PTPN5: variants seen among roughly 807,000 people sequenced by gnomAD.
The protein encoded by PTPN5 is tyrosine-protein phosphatase non-receptor type 5.
PTPN5 carries 29 observed loss-of-function variants against 73.9 expected under a neutral mutation model. That is an observed-to-expected ratio of 0.39 (90% CI 0.29 to 0.54). The LOEUF (loss-of-function observed/expected upper bound fraction) is 0.54. PTPN5 is among the 20% of genes least tolerant of loss of function. The pLI is 0.65. For missense variants in PTPN5, 652 were observed against 751.4 expected, an observed-to-expected ratio of 0.87 and a Z score of 1.55; for synonymous variants, 267 against 304.7, an observed-to-expected ratio of 0.88 and a Z score of 1.29.
intron 1 of PTPN5, among the ~76,000 whole-genome samples, chr11:18,782,065 G>A (rs763494715): frequency 1.4e-4 from 21 of 152,178 alleles, no homozygotes; most frequent in Non-Finnish European, 2.8e-4. Flanking sequence ...CACAGCAGAC[G>A]GCTTCATGAA....
chr11:18,743,948 A>AG, intron 4 of PTPN5, 58 bp downstream of exon 4: 1 of 1,508,630 alleles, frequency 6.6e-7, no homozygotes, highest in Non-Finnish European at 8.8e-7. Context: ...AGGAAGTGGG[A>AG]GGCTGGCCCT....
At chr11:18,756,061 A>G (rs1221297346) in intron 3 of PTPN5, among the ~76,000 whole-genome samples, 2 of 151,796 alleles carry the variant, frequency 1.3e-5, no homozygotes, top group South Asian at 2.1e-4. Context: ...CGTCAGGCAC[A>G]GCCCAAATAG....
chr11:18,759,988 A>T lies in PTPN5; in HGVS notation c.97+5819T>A, dbSNP rs923826473. Reference sequence around the variant, plus strand: ...TGCTTGACACAGCAGGTTCCTGAAGACATGAATCGAGACCCTATTCATGTT... The same window carrying T: ...TGCTTGACACAGCAGGTTCCTGAAGTCATGAATCGAGACCCTATTCATGTT... On this transcript the variant is annotated intron_variant, in intron 3 of 14. Transcript: ENST00000358540. Among the ~76,000 whole-genome samples, 5 of 152,150 alleles carry T rather than the reference A, an allele frequency of 3.3e-5. No individual in the cohort carries two copies. In the East Asian group the frequency reaches 5.8e-4, roughly 18 times the overall value.
chr11:18,757,798 C>T (rs984470841), intron 3 of PTPN5, among the ~76,000 whole-genome samples: 8 of 152,170 alleles, frequency 5.3e-5, no homozygotes, highest in Non-Finnish European at 1.2e-4. Context: ...CTTTTAAACT[C>T]CCTACAAATG....
intron 3 of PTPN5, among the ~76,000 whole-genome samples, chr11:18,754,406 G>A (rs1400341827): frequency 6.6e-6 from 1 of 152,138 alleles, no homozygotes; most frequent in Non-Finnish European, 1.5e-5. Flanking sequence ...CCTTTCCTCC[G>A]AGCTGGTTCA....
chr11:18,774,152 A>G (rs879908036), intron 1 of PTPN5, among the ~76,000 whole-genome samples: 2 of 152,202 alleles, frequency 1.3e-5, no homozygotes, highest in African/African-American at 2.4e-5. Context: ...AATTTTTCTC[A>G]TATGTCTAAC....
chr11:18,732,660 C>A lies in PTPN5; in HGVS notation c.1261G>T (p.Gly421Cys). The A allele has an allele frequency of 6.2e-7, 1 of 1,613,916 alleles. No individual in the cohort carries two copies. Among genetic ancestry groups the A allele is most frequent in the Non-Finnish European group, 8.5e-7 (1 of 1,180,008 alleles). Residue 421 changes from glycine (G) to cysteine (C), a missense_variant, in exon 12 of 15, where the codon GGT becomes TGT. Coordinates refer to ENST00000358540, the MANE Select transcript of PTPN5 (RefSeq NM_006906.2). Reference protein sequence around the residue: ...YWPEEQVAYDGVEITVQKVIH... With the variant: ...YWPEEQVAYDCVEITVQKVIH... ...ACTTTCTGCACAGTGATCTCAACAC[C>A]GTCGTACGCCACCTGCTCCTCCGGC...
At chr11:18,784,605 C>T (rs539218006) in intron 1 of PTPN5, among the ~76,000 whole-genome samples, 1 of 152,268 alleles carries the variant, frequency 6.6e-6, no homozygotes, top group African/African-American at 2.4e-5. Flanking sequence ...ATATACTTAA[C>T]GCCACAAAAT....
rs981050642 is a variant in PTPN5, at chr11:18,728,319, T to C, written c.*615A>G. 3 of 152,414 alleles carry C rather than the reference T, an allele frequency of 2.0e-5. No individual in the cohort carries two copies. Among genetic ancestry groups the C allele is most frequent in the African/African-American group, 7.2e-5 (3 of 41,454 alleles). 9.4% of individuals were successfully genotyped at this position (152,414 alleles called of 1,614,324 possible). A position where few individuals can be genotyped will look rare whatever the true frequency, so the allele number is the denominator to read the frequency against. The stretch of plus-strand genomic sequence containing the variant: ...CCTACCTTGCCAGTGCCTCACAGGC[T>C]GGGCACCCTCCTGAGAGCATCTGAC... On this transcript the variant is annotated 3_prime_UTR_variant, in exon 15 of 15. Transcript: ENST00000358540. This position sits in a 1 kb window ranked among gnomAD's most constrained non-coding sequence, Gnocchi z 4.1.
In PTPN5 at chr11:18,787,026, A is replaced by G. The variant is rs145035818; in HGVS notation, c.-114+4499T>C. Among the ~76,000 whole-genome samples, 278 of 152,328 alleles carry G rather than the reference A, an allele frequency of 1.8e-3. 1 individual carries two copies. Among genetic ancestry groups the G allele is most frequent in the African/African-American group, 6.5e-3 (269 of 41,576 alleles). On this transcript the variant is annotated intron_variant, in intron 1 of 14. Transcript: ENST00000358540. ...GATGTATATTTGTGCGGGGAGGAGG[A>G]TGAAGAAAGACCAAAAATGTTATTT... is the stretch of plus-strand genomic sequence containing the variant.
At chr11:18,752,092 G>T (rs1381121363) in intron 3 of PTPN5, among the ~76,000 whole-genome samples, 1 of 152,160 alleles carries the variant, frequency 6.6e-6, no homozygotes, top group Admixed American at 6.5e-5. Flanking sequence ...TTAGTCAGGT[G>T]TGGTGGTGTG....
intron 3 of PTPN5, among the ~76,000 whole-genome samples, chr11:18,757,240 T>C (rs764261): frequency 0.35 from 52,927 of 152,064 alleles, 9,534 homozygotes; most frequent in Middle Eastern, 0.48. Context: ...AAAAATTGCT[T>C]TTCTCATTTC....
chr11:18,740,885 G>C, intron 7 of PTPN5, 93 bp from the exon 8 acceptor site: 1 of 744,490 alleles, frequency 1.3e-6, no homozygotes, highest in Non-Finnish European at 2.0e-6. Context: ...GGGAGGGAGA[G>C]ATCAGCTGGG....
intron 3 of PTPN5, among the ~76,000 whole-genome samples, chr11:18,756,051 C>T (rs893493744): frequency 1.3e-5 from 2 of 150,048 alleles, no homozygotes; most frequent in South Asian, 2.1e-4. Flanking sequence ...CTAATAGTCA[C>T]GTCAGGCACA....
intron 3 of PTPN5, among the ~76,000 whole-genome samples, chr11:18,753,671 A>G (rs1291962674): frequency 6.6e-6 from 1 of 152,202 alleles, no homozygotes; most frequent in Admixed American, 6.5e-5. Flanking sequence ...CTAGGATGTT[A>G]ATGTCAAGGA....
At position 18,729,447 on chromosome 11, in the gene PTPN5, G is replaced by C; in HGVS notation, c.1604+6C>G. The C allele has an allele frequency of 1.4e-6, 2 of 1,416,248 alleles. No homozygotes were observed. The highest frequency in any genetic ancestry group is 2.0e-6 in the Non-Finnish European group (2 of 1,003,990). The allele number at this position is 1,416,248 out of a possible 1,614,324, so 87.7% of individuals were successfully genotyped here. On this transcript the variant is annotated splice_donor_region_variant and intron_variant, in intron 14 of 14. Coordinates refer to ENST00000358540, the MANE Select transcript of PTPN5 (RefSeq NM_006906.2). This position sits in a 1 kb window ranked among gnomAD's most constrained non-coding sequence, Gnocchi z 5.2. ...TGTGTGTCCCCACTCCCGCCCGTGG[G>C]CTGACCTGTCCTGACGGAGCTGGCA...
chr11:18,736,990 A>C (rs1324153934), intron 9 of PTPN5, among the ~76,000 whole-genome samples: 1 of 152,210 alleles, frequency 6.6e-6, no homozygotes, highest in African/African-American at 2.4e-5. Context: ...CTACAAGTCG[A>C]TATTTTAAAA....
At chr11:18,731,247 T>C (rs533448214) in intron 12 of PTPN5, among the ~76,000 whole-genome samples, 6 of 149,626 alleles carry the variant, frequency 4.0e-5, no homozygotes, top group East Asian at 1.9e-4. Flanking sequence ...CATATATACA[T>C]ACATATATGA....
intron 8 of PTPN5, among the ~76,000 whole-genome samples, chr11:18,739,410 G>T (rs1052604260): frequency 2.0e-5 from 3 of 152,208 alleles, no homozygotes; most frequent in Non-Finnish European, 4.4e-5. Flanking sequence ...GTGAGCAAAG[G>T]CACAGGAGGA....
Sources: gnomAD v4.1 joint callset for allele counts (sites outside exome capture counted in the v4.1 genomes callset) on GRCh38, gnomAD v4.1.1 for gene constraint, Gnocchi (gnomAD v3.1) non-coding constraint, MANE v1.5 for transcripts, NCBI Gene and HGNC (gene_info 2026-07-23, HGNC 2026-07-21) for gene names.